The following GKAP1 variants were observed in gnomAD, a reference collection of about 807,000 sequenced individuals.
GKAP1 encodes the protein G kinase-anchoring protein 1.
A neutral mutation model predicts 56.7 loss-of-function variants in GKAP1; 31 were observed. The observed-to-expected ratio is 0.55, with a 90% CI of 0.41 to 0.74. The LOEUF (loss-of-function observed/expected upper bound fraction) is 0.74, where lower values mean the gene tolerates loss of function less well. GKAP1 is among the 30% of genes least tolerant of loss of function. The pLI is 0.00. For missense variants in GKAP1, 364 were observed against 402.3 expected (o/e 0.90, Z 0.82); for synonymous variants, 151 against 138.6 (o/e 1.09, Z -0.63).
At chr9:83,750,127 C>T (rs190978679) in intron 9 of GKAP1, among the ~76,000 whole-genome samples, 3 of 150,064 alleles carry the variant, frequency 2.0e-5, no homozygotes, top group Non-Finnish European at 4.5e-5. Context: ...TCAAGGTTTA[C>T]GGTCTAAAAT....
At chr9:83,773,928 T>C (rs1286440992) in intron 7 of GKAP1, among the ~76,000 whole-genome samples, 1 of 152,190 alleles carries the variant, frequency 6.6e-6, no homozygotes, top group Non-Finnish European at 1.5e-5. Context: ...ATCATCATCA[T>C]ACCTAACAAA....
chr9:83,803,105 G>A (rs941316751), intron 3 of GKAP1, among the ~76,000 whole-genome samples: 3 of 151,988 alleles, frequency 2.0e-5, no homozygotes, highest in Non-Finnish European at 4.4e-5. Context: ...GTGAGACCCC[G>A]TCTCAAAAAA....
Position 83,739,701 on chromosome 9 carries a change from C to G in GKAP1, c.1097G>C (p.Arg366Thr). ...TGACTTCAAAGGCTAATGTAATCACCTACACTGGTCGGATTCAGAGTTTCT... is the reference window on the plus strand; with the variant it reads ...TGACTTCAAAGGCTAATGTAATCACGTACACTGGTCGGATTCAGAGTTTCT... ...GKRNSESDQC[R>T] The change falls in exon 13 of 13, where the codon AGG becomes ACG. Residue 366 changes from arginine (R) to threonine (T), a missense_variant. Transcript: ENST00000376371. 6.2e-7 allele frequency: 1 copy of G among 1,607,318 alleles called. No homozygotes were observed. The highest frequency in any genetic ancestry group is 8.5e-7 in the Non-Finnish European group (1 of 1,177,678).
intron 9 of GKAP1, among the ~76,000 whole-genome samples, chr9:83,751,737 G>T (rs1285713368): frequency 4.0e-5 from 6 of 150,196 alleles, no homozygotes; most frequent in Non-Finnish European, 8.9e-5. Context: ...TACTTGATAT[G>T]AATAACAGAT....
At chr9:83,744,231 T>C (rs918078581) in intron 10 of GKAP1, among the ~76,000 whole-genome samples, 15 of 152,342 alleles carry the variant, frequency 9.8e-5, no homozygotes, top group African/African-American at 3.6e-4. Context: ...AGTTCTCCTA[T>C]AATGCTTGTT....
chr9:83,798,440 T>A (rs1944281033), intron 4 of GKAP1, among the ~76,000 whole-genome samples: 1 of 152,242 alleles, frequency 6.6e-6, no homozygotes, highest in Non-Finnish European at 1.5e-5. Context: ...CAAAATATCA[T>A]GTAAACAGGT....
intron 10 of GKAP1, 96 bp from the exon 11 acceptor site, chr9:83,742,696 C>T (rs2131223274): frequency 1.5e-6 from 1 of 655,450 alleles, no homozygotes; most frequent in East Asian, 2.6e-5. Context: ...GCAATTAGAA[C>T]AATGATTTCT....
chr9:83,795,731 T>C (rs1944236189), intron 4 of GKAP1, among the ~76,000 whole-genome samples: 1 of 152,058 alleles, frequency 6.6e-6, no homozygotes, highest in Non-Finnish European at 1.5e-5. Flanking sequence ...TTGCATTTTT[T>C]TGTAGAGATG....
intron 2 of GKAP1, among the ~76,000 whole-genome samples, chr9:83,811,098 G>T (rs1944500147): frequency 6.6e-6 from 1 of 152,230 alleles, no homozygotes. Flanking sequence ...GACTATATAA[G>T]CATTTATGGG....
intron 3 of GKAP1, among the ~76,000 whole-genome samples, chr9:83,801,975 A>C (rs1944338401): frequency 6.6e-6 from 1 of 152,254 alleles, no homozygotes; most frequent in South Asian, 2.1e-4. Context: ...AAGTCTTGGG[A>C]CATTACTATG....
intron 8 of GKAP1, among the ~76,000 whole-genome samples, chr9:83,760,603 G>C (rs557163319): frequency 1.1e-4 from 16 of 152,244 alleles, no homozygotes; most frequent in African/African-American, 3.9e-4. Context: ...CTCAAGGATA[G>C]ACCCTGTGTT....
chr9:83,782,347 A>C (rs958806892), intron 6 of GKAP1, among the ~76,000 whole-genome samples: 1 of 150,708 alleles, frequency 6.6e-6, no homozygotes, highest in Non-Finnish European at 1.5e-5. Context: ...CTTTTTTACT[A>C]ATCTTGGATT....
At chr9:83,754,193 G>C (rs1943438227) in intron 8 of GKAP1, among the ~76,000 whole-genome samples, 1 of 152,152 alleles carries the variant, frequency 6.6e-6, no homozygotes, top group African/African-American at 2.4e-5. Context: ...CTTTTAAAAA[G>C]TGAGAAAATG....
At chr9:83,754,772 A>G (rs1196882374) in intron 8 of GKAP1, among the ~76,000 whole-genome samples, 1 of 152,228 alleles carries the variant, frequency 6.6e-6, no homozygotes, top group Non-Finnish European at 1.5e-5. Flanking sequence ...TCTGAGTAAA[A>G]CAGAAAGCAG....
intron 10 of GKAP1, among the ~76,000 whole-genome samples, chr9:83,746,537 G>A (rs564334629): frequency 4.6e-5 from 7 of 151,982 alleles, no homozygotes; most frequent in African/African-American, 1.7e-4. Context: ...CCCGTCTCTA[G>A]TAAAAATACA....
chr9:83,757,109 G>T (rs1042496360), intron 8 of GKAP1, among the ~76,000 whole-genome samples: 6 of 152,130 alleles, frequency 3.9e-5, no homozygotes, highest in African/African-American at 1.4e-4. Flanking sequence ...ATGCTATGGG[G>T]TATAGAAAAA....
intron 4 of GKAP1, among the ~76,000 whole-genome samples, chr9:83,791,009 T>C (rs1191781409): frequency 2.0e-5 from 3 of 152,136 alleles, no homozygotes; most frequent in Admixed American, 1.3e-4. Flanking sequence ...GGTTAGGAAG[T>C]TGGAAGTCTT....
At chr9:83,774,729 G>C (rs1203200164) in intron 7 of GKAP1, among the ~76,000 whole-genome samples, 1 of 10,886 alleles carries the variant, frequency 9.2e-5, no homozygotes, top group Non-Finnish European at 2.0e-4. Context: ...TTTTTTTTTT[G>C]AGACAGAGGC....
At chr9:83,775,874 C>CAAA (rs55669011) in intron 7 of GKAP1, among the ~76,000 whole-genome samples, 106 of 43,610 alleles carry the variant, frequency 2.4e-3, no homozygotes, top group Non-Finnish European at 2.5e-3. Flanking sequence ...GACTCTGTCT[C>CAAA]AAAAAAAAAA....
Sources: gnomAD v4.1 joint callset for allele counts (sites outside exome capture counted in the v4.1 genomes callset) on GRCh38, gnomAD v4.1.1 for gene constraint, MANE v1.5 for transcripts, NCBI Gene and HGNC (gene_info 2026-07-23, HGNC 2026-07-21) for gene names.